Variants in ZNF385D observed in about 807,000 individuals in gnomAD.
ZNF385D encodes the protein zinc finger protein 659.
In ZNF385D, 15 loss-of-function variants were observed where a neutral mutation model predicts 35.8. The ratio of observed to expected loss-of-function variants is 0.42; its 90% CI spans 0.28 to 0.64. The LOEUF (loss-of-function observed/expected upper bound fraction) is 0.64, where lower values mean the gene tolerates loss of function less well. Ranked by LOEUF, ZNF385D falls within the 30% of genes least tolerant of loss-of-function variation. ZNF385D has a pLI of 0.23. For synonymous variants in ZNF385D, 212 were observed against 186.8 expected, an observed-to-expected ratio of 1.13 and a Z score of -1.10; for missense variants, 474 against 494.6, an observed-to-expected ratio of 0.96 and a Z score of 0.39.
intron 3 of ZNF385D, among the ~76,000 whole-genome samples, chr3:21,936,601 A>G (rs1701270866): frequency 6.6e-6 from 1 of 152,042 alleles, no homozygotes. Flanking sequence ...TTGATTGTTA[A>G]ATGTTTCCTC....
chr3:22,220,017 T>G (rs1386603316), intron 2 of ZNF385D, among the ~76,000 whole-genome samples: 2 of 152,094 alleles, frequency 1.3e-5, no homozygotes, highest in Non-Finnish European at 2.9e-5. Context: ...AACCTTTGTC[T>G]TTCTCATCTG....
At chr3:22,292,463 G>A (rs556589061) in intron 2 of ZNF385D, among the ~76,000 whole-genome samples, 1 of 152,182 alleles carries the variant, frequency 6.6e-6, no homozygotes, top group East Asian at 1.9e-4. Flanking sequence ...GTTTTGGTAA[G>A]TTCTTTTTAC....
intron 3 of ZNF385D, among the ~76,000 whole-genome samples, chr3:21,801,836 G>T (rs1389830677): frequency 6.6e-6 from 1 of 152,120 alleles, no homozygotes; most frequent in African/African-American, 2.4e-5. Context: ...AGGATGCTCA[G>T]TGATTACTTA....
At chr3:21,831,646 G>A (rs1694994390) in intron 3 of ZNF385D, among the ~76,000 whole-genome samples, 2 of 152,284 alleles carry the variant, frequency 1.3e-5, no homozygotes, top group East Asian at 1.9e-4. Flanking sequence ...ACTTGTAGAA[G>A]CATAGATAAT....
At position 21,732,029 on chromosome 3, in the gene ZNF385D, GGT is replaced by G. The variant is rs201050555; in HGVS notation, c.22+18864_22+18865del. 2.8e-4 allele frequency among the ~76,000 whole-genome samples: 6 copies of G among 21,218 alleles called. 2 individuals are homozygous for G. Among genetic ancestry groups the G allele is most frequent in the Admixed American group, 8.7e-4 (1 of 1,156 alleles). The allele number at this position is 21,218 out of a possible 152,430, so 13.9% of individuals were successfully genotyped here. On this transcript the variant is annotated intron_variant, in intron 1 of 7. Transcript: ENST00000281523. ...ATTCAGGGTTTTTTTCTTTTTTCGG[GGT>G]TTTTTTTTTTTTTTTTTTTTTTTTT...
chr3:22,199,153 T>C (rs1255627680), intron 2 of ZNF385D, among the ~76,000 whole-genome samples: 1 of 151,988 alleles, frequency 6.6e-6, no homozygotes, highest in African/African-American at 2.4e-5. Flanking sequence ...CATAATCTCA[T>C]CTCCACATTG....
chr3:21,788,665 T>A lies in ZNF385D; in HGVS notation c.326-123637A>T, dbSNP rs150503997. ...CATTTTTATTTTTCTGTTGCTTTTT[T>A]AAATTTTTGATTCGGGGGCATATGT... On this transcript the variant is annotated intron_variant, in intron 3 of 5. Transcript: ENST00000494108. Among the ~76,000 whole-genome samples, 1,409 of 152,366 alleles carry A rather than the reference T, an allele frequency of 9.2e-3. 8 individuals are homozygous for A. The highest frequency in any genetic ancestry group is 0.041 in the Middle Eastern group (12 of 294).
chr3:21,924,517 G>A (rs1324986783), intron 3 of ZNF385D, among the ~76,000 whole-genome samples: 1 of 152,120 alleles, frequency 6.6e-6, no homozygotes, highest in Non-Finnish European at 1.5e-5. Context: ...TCAAAAAATT[G>A]TGGCCCCAAC....
intron 4 of ZNF385D, among the ~76,000 whole-genome samples, chr3:21,447,688 C>A (rs1421334519): frequency 6.6e-6 from 1 of 152,118 alleles, no homozygotes; most frequent in African/African-American, 2.4e-5. Context: ...ATCTTGAAAG[C>A]TTTTACTAAT....
At chr3:22,321,516 C>T (rs1476254049) in intron 2 of ZNF385D, among the ~76,000 whole-genome samples, 2 of 151,904 alleles carry the variant, frequency 1.3e-5, no homozygotes, top group East Asian at 3.9e-4. Context: ...CAGGGGCCCG[C>T]CACCACGCCC....
chr3:22,002,843 A>T (rs143730673), intron 3 of ZNF385D, among the ~76,000 whole-genome samples: 45 of 152,340 alleles, frequency 3.0e-4, no homozygotes, highest in African/African-American at 9.1e-4. Flanking sequence ...AAAGCCAATG[A>T]TTATCTCAAT....
At chr3:22,349,403 G>A (rs1328674331) in intron 2 of ZNF385D, among the ~76,000 whole-genome samples, 6 of 152,168 alleles carry the variant, frequency 3.9e-5, no homozygotes, top group Non-Finnish European at 8.8e-5. Flanking sequence ...CAGTGTGGAG[G>A]TAGTTGTTTT....
At chr3:22,206,458 C>A (rs1697160595) in intron 2 of ZNF385D, among the ~76,000 whole-genome samples, 1 of 151,888 alleles carries the variant, frequency 6.6e-6, no homozygotes, top group Non-Finnish European at 1.5e-5. Flanking sequence ...AGAATTTCAT[C>A]CAGTTGCTGC....
intron 4 of ZNF385D, among the ~76,000 whole-genome samples, chr3:21,494,336 A>G (rs1705658944): frequency 6.6e-6 from 1 of 152,152 alleles, no homozygotes; most frequent in East Asian, 1.9e-4. Context: ...TTTAACAGTT[A>G]CAGGGTCTTA....
chr3:21,584,511 C>A (rs950927592), intron 2 of ZNF385D, among the ~76,000 whole-genome samples: 1 of 152,034 alleles, frequency 6.6e-6, no homozygotes, highest in Non-Finnish European at 1.5e-5. Context: ...TATTAGACTT[C>A]TTTTTTATGC....
chr3:22,094,385 G>GAGATATATATATATATATATATATATAT (rs1491256865), intron 3 of ZNF385D, among the ~76,000 whole-genome samples: 83 of 70,728 alleles, frequency 1.2e-3, no homozygotes, highest in African/African-American at 2.2e-3. Context: ...ATTTATTGTT[G>GAGATATATATATATATATATATATATAT]ATATATATAT....
At chr3:22,196,123 G>A (rs1055410815) in intron 2 of ZNF385D, among the ~76,000 whole-genome samples, 14 of 152,088 alleles carry the variant, frequency 9.2e-5, no homozygotes, top group African/African-American at 3.1e-4. Flanking sequence ...GAACCCCGAT[G>A]ACACAAGTTT....
Position 22,140,840 on chromosome 3 carries a change from G to T in ZNF385D, c.325+27977C>A, listed in dbSNP as rs148689972. Among the ~76,000 whole-genome samples the T allele has an allele frequency of 7.2e-3, 1,095 of 152,334 alleles. 6 individuals are homozygous for T. The highest frequency in any genetic ancestry group is 0.011 in the Non-Finnish European group (773 of 68,018). On this transcript the variant is annotated intron_variant, in intron 3 of 5. Transcript: ENST00000494108. ...GAAGGCCAAGGGGCAGGGCAAGGTTGTCCTAGAGTTAATTAGTTCCATTAT... is the reference window on the plus strand; with the variant it reads ...GAAGGCCAAGGGGCAGGGCAAGGTTTTCCTAGAGTTAATTAGTTCCATTAT...
intron 3 of ZNF385D, among the ~76,000 whole-genome samples, chr3:21,969,717 G>GC (rs145294159): frequency 0.013 from 1,906 of 152,194 alleles, 58 homozygotes; most frequent in African/African-American, 0.043. Flanking sequence ...ACGGGCAGTA[G>GC]CCAGGCAGTA....
Sources: gnomAD v4.1 joint callset for allele counts (sites outside exome capture counted in the v4.1 genomes callset) on GRCh38, gnomAD v4.1.1 for gene constraint, MANE v1.5 for transcripts, NCBI Gene and HGNC (gene_info 2026-07-23, HGNC 2026-07-21) for gene names.